The following INPP4B variants were observed in gnomAD, a reference collection of about 807,000 sequenced individuals.
The protein encoded by INPP4B is inositol polyphosphate 4-phosphatase type II.
A neutral mutation model predicts 122.5 loss-of-function variants in INPP4B; 55 were observed. That is an observed-to-expected ratio of 0.45 (90% CI 0.36 to 0.56). The LOEUF (loss-of-function observed/expected upper bound fraction) is 0.56, where lower values mean the gene tolerates loss of function less well. INPP4B is among the 20% of genes least tolerant of loss of function. The pLI is 0.00. For synonymous variants in INPP4B, 403 were observed against 388.7 expected (o/e 1.04, Z -0.43); for missense variants, 1,000 against 1,097.7 (o/e 0.91, Z 1.26).
At chr4:142,393,161 G>A (rs539659891) in intron 7 of INPP4B, among the ~76,000 whole-genome samples, 1 of 152,070 alleles carries the variant, frequency 6.6e-6, no homozygotes, top group Non-Finnish European at 1.5e-5. Context: ...AACCCCAAAT[G>A]ATGGTAACTG....
intron 7 of INPP4B, among the ~76,000 whole-genome samples, chr4:142,350,640 A>G (rs982391091): frequency 6.6e-6 from 1 of 152,046 alleles, no homozygotes; most frequent in Admixed American, 6.6e-5. Flanking sequence ...TGCTATTGGT[A>G]AGATATTTTA....
chr4:142,097,332 G>A (rs187045369), intron 23 of INPP4B, among the ~76,000 whole-genome samples: 184 of 151,306 alleles, frequency 1.2e-3, no homozygotes, highest in African/African-American at 4.3e-3. Flanking sequence ...TTGGCTCACT[G>A]CAACCTCCCA....
At chr4:142,247,596 T>A (rs1168191517) in intron 11 of INPP4B, among the ~76,000 whole-genome samples, 1 of 152,210 alleles carries the variant, frequency 6.6e-6, no homozygotes, top group African/African-American at 2.4e-5. Flanking sequence ...TTTACAGTAT[T>A]CTCTGATGGT....
intron 25 of INPP4B, chr4:142,030,150 A>G: frequency 6.5e-7 from 1 of 1,535,348 alleles, no homozygotes; most frequent in Non-Finnish European, 8.7e-7. Flanking sequence ...GGCTAAGAGT[A>G]ACGCCAGACT....
chr4:142,608,078 A>G (rs1039027061), intron 2 of INPP4B, among the ~76,000 whole-genome samples: 1 of 152,172 alleles, frequency 6.6e-6, no homozygotes, highest in African/African-American at 2.4e-5. Flanking sequence ...CACAAGCATT[A>G]AAGAAGTTGT....
At chr4:142,842,551 T>TATATATA (rs967438956) in intron 1 of INPP4B, among the ~76,000 whole-genome samples, 7 of 142,062 alleles carry the variant, frequency 4.9e-5, no homozygotes, top group Non-Finnish European at 9.1e-5. Flanking sequence ...CAATATCTAT[T>TATATATA]ATATATAATA....
chr4:142,672,184 G>T (rs1009323595), intron 2 of INPP4B, among the ~76,000 whole-genome samples: 5 of 152,190 alleles, frequency 3.3e-5, no homozygotes, highest in African/African-American at 4.8e-5. Flanking sequence ...GAATAAAGAT[G>T]CTGTAAATAT....
intron 2 of INPP4B, among the ~76,000 whole-genome samples, chr4:142,564,455 G>T: frequency 8.6e-6 from 1 of 116,594 alleles, no homozygotes; most frequent in Non-Finnish European, 1.7e-5. Context: ...AAAAAAAAAA[G>T]AAAGAAAGAA....
At chr4:142,289,738 T>A (rs1448202726) in intron 9 of INPP4B, among the ~76,000 whole-genome samples, 1 of 152,200 alleles carries the variant, frequency 6.6e-6, no homozygotes, top group Non-Finnish European at 1.5e-5. Context: ...TGTATAGTAC[T>A]CCATGGTGAC....
chr4:142,387,816 C>G (rs1255692831), intron 7 of INPP4B, among the ~76,000 whole-genome samples: 2 of 152,042 alleles, frequency 1.3e-5, no homozygotes, highest in Non-Finnish European at 2.9e-5. Context: ...AGAGGGGTAC[C>G]TTAGGATAGA....
intron 1 of INPP4B, among the ~76,000 whole-genome samples, chr4:142,789,189 A>C (rs936581544): frequency 3.3e-5 from 5 of 152,052 alleles, no homozygotes; most frequent in African/African-American, 9.7e-5. Flanking sequence ...AAGGATGGCC[A>C]CTCTCATCAC....
At chr4:142,564,806 T>TA (rs1434343183) in intron 2 of INPP4B, among the ~76,000 whole-genome samples, 1 of 152,082 alleles carries the variant, frequency 6.6e-6, no homozygotes, top group Non-Finnish European at 1.5e-5. Flanking sequence ...AGTAGTGGTT[T>TA]AAAAAAATGG....
intron 10 of INPP4B, among the ~76,000 whole-genome samples, chr4:142,268,315 T>C (rs1579529191): frequency 2.7e-4 from 1 of 3,728 alleles, no homozygotes; most frequent in Non-Finnish European, 2.0e-3. Context: ...AGAGCAAGAC[T>C]CCGTCTCAAA....
chr4:142,826,413 T>TG (rs1781464823), intron 1 of INPP4B, among the ~76,000 whole-genome samples: 1 of 152,088 alleles, frequency 6.6e-6, no homozygotes. Context: ...AGATTTTGCC[T>TG]GGTGTCCTCA....
At chr4:142,418,881 G>A (rs1806296322) in intron 5 of INPP4B, among the ~76,000 whole-genome samples, 1 of 152,138 alleles carries the variant, frequency 6.6e-6, no homozygotes, top group Non-Finnish European at 1.5e-5. Flanking sequence ...GCAGGGACAA[G>A]AATAGAAACA....
chr4:142,417,634 G>A (rs1443945739), intron 5 of INPP4B, among the ~76,000 whole-genome samples: 1 of 152,062 alleles, frequency 6.6e-6, no homozygotes, highest in Non-Finnish European at 1.5e-5. Flanking sequence ...GACAGAAAGG[G>A]ATTAACCCAA....
intron 8 of INPP4B, 61 bp from the exon 9 acceptor site, chr4:142,305,598 C>G (rs1318617039): frequency 6.4e-7 from 1 of 1,552,726 alleles, no homozygotes; most frequent in East Asian, 2.3e-5. Flanking sequence ...TTTGCTGTCA[C>G]ATCAATCAAA....
At chr4:142,237,754 A>T (rs1362894772) in intron 12 of INPP4B, 110 bp downstream of exon 12, 1 of 562,426 alleles carries the variant, frequency 1.8e-6, no homozygotes, top group Non-Finnish European at 3.0e-6. Context: ...GCTATTTCAC[A>T]ATGCATACAT....
intron 8 of INPP4B, among the ~76,000 whole-genome samples, chr4:142,310,646 C>G (rs1765176276): frequency 6.6e-6 from 1 of 150,642 alleles, no homozygotes; most frequent in African/African-American, 2.4e-5. Context: ...TTACACATAA[C>G]TCACAGGCAG....
Sources: gnomAD v4.1 joint callset for allele counts (sites outside exome capture counted in the v4.1 genomes callset) on GRCh38, gnomAD v4.1.1 for gene constraint, MANE v1.5 for transcripts, NCBI Gene and HGNC (gene_info 2026-07-23, HGNC 2026-07-21) for gene names.